The following CASK variants were observed in gnomAD, a reference collection of about 807,000 sequenced individuals.
CASK encodes the protein peripheral plasma membrane protein CASK.
A neutral mutation model predicts 82.9 loss-of-function variants in CASK; 4 were observed. The observed-to-expected ratio is 0.05, with a 90% CI of 0.02 to 0.11. CASK has a LOEUF of 0.11. CASK is among the 10% of genes least tolerant of loss of function. The probability of loss-of-function intolerance (pLI) is 1.00; values close to 1 mark genes in which losing one functional copy is unlikely to be tolerated. For missense variants in CASK, 358 were observed against 720.9 expected (o/e 0.50, Z 5.76); for synonymous variants, 259 against 253.5 (o/e 1.02, Z -0.20).
chrX:41,840,470 T>C (rs1176324545), intron 2 of CASK, among the ~76,000 whole-genome samples: 2 of 112,123 alleles, frequency 1.8e-5, no homozygotes, highest in Non-Finnish European at 3.8e-5. Flanking sequence ...CAGGAGTTTG[T>C]TGTTGTTGTT....
Position 41,922,782 on chromosome X carries a change from C to T in CASK, c.59+148G>A, listed in dbSNP as rs1422076080. 9 of 546,606 alleles carry T rather than the reference C, an allele frequency of 1.6e-5. No individual in the cohort carries two copies. In the South Asian group the frequency reaches 2.1e-4, roughly 13 times the overall value. 45.0% of individuals were successfully genotyped at this position (546,606 alleles called of 1,213,427 possible). A position where few individuals can be genotyped will look rare whatever the true frequency, so the allele number is the denominator to read the frequency against. On this transcript the variant is annotated intron_variant, in intron 1 of 26. Coordinates refer to ENST00000378163, the MANE Select transcript of CASK (RefSeq NM_001367721.1). ...CCGCCTGGCAGGAGCTCCAGGTACACGTCTATAAATACTCCAGGATGAGAA... is the reference window on the plus strand; with the variant it reads ...CCGCCTGGCAGGAGCTCCAGGTACATGTCTATAAATACTCCAGGATGAGAA...
intron 1 of CASK, among the ~76,000 whole-genome samples, chrX:41,909,873 C>G (rs1021391051): frequency 2.7e-5 from 3 of 111,357 alleles, no homozygotes; most frequent in African/African-American, 9.7e-5. Flanking sequence ...TCCCAAAGTG[C>G]AGGGATTACA....
At chrX:41,800,295 G>A (rs1217629815) in intron 2 of CASK, among the ~76,000 whole-genome samples, 2 of 109,625 alleles carry the variant, frequency 1.8e-5, no homozygotes, top group African/African-American at 3.3e-5. Context: ...CCTCCTTCCC[G>A]GCAACACAAA....
intron 2 of CASK, among the ~76,000 whole-genome samples, chrX:41,842,046 T>C (rs2071050330): frequency 8.9e-6 from 1 of 111,827 alleles, no homozygotes; most frequent in South Asian, 3.7e-4. Flanking sequence ...AATTTTTGTA[T>C]ATGGTGTAGG....
chrX:41,695,391 C>T, intron 5 of CASK, among the ~76,000 whole-genome samples: 1 of 100,178 alleles, frequency 1.0e-5, no homozygotes, highest in Non-Finnish European at 2.1e-5. Flanking sequence ...TTATAGCTCA[C>T]TACAGCCTTG....
At chrX:41,612,918 C>T (rs1321679822) in intron 11 of CASK, among the ~76,000 whole-genome samples, 3 of 92,764 alleles carry the variant, frequency 3.2e-5, no homozygotes, top group African/African-American at 8.2e-5. Context: ...CCGCCCCATC[C>T]GGGAGGTGAG....
chrX:41,552,296 G>A (rs1291014648), intron 21 of CASK, among the ~76,000 whole-genome samples: 1 of 109,588 alleles, frequency 9.1e-6, no homozygotes, highest in Middle Eastern at 4.7e-3. Flanking sequence ...TATTTTCTGC[G>A]GCACTTTTCA....
chrX:41,569,810 A>G, intron 15 of CASK, 64 bp from the exon 16 acceptor site: 3 of 679,980 alleles, frequency 4.4e-6, no homozygotes, highest in South Asian at 5.2e-5. Context: ...TTCTCTTAAT[A>G]TTTGTGATTT....
intron 11 of CASK, among the ~76,000 whole-genome samples, chrX:41,618,883 G>A (rs1367716868): frequency 1.9e-5 from 2 of 104,093 alleles, no homozygotes; most frequent in African/African-American, 3.5e-5. Flanking sequence ...CTGGAGGGCG[G>A]TGGTGTGATC....
chrX:41,680,355 G>C (rs1290671650), intron 5 of CASK, among the ~76,000 whole-genome samples: 1 of 109,711 alleles, frequency 9.1e-6, no homozygotes, highest in Non-Finnish European at 1.9e-5. Context: ...GGTGGCATGC[G>C]CCTATAGTCC....
At chrX:41,888,314 G>C (rs1425745488) in intron 1 of CASK, among the ~76,000 whole-genome samples, 1 of 111,143 alleles carries the variant, frequency 9.0e-6, no homozygotes, top group Non-Finnish European at 1.9e-5. Flanking sequence ...TGGTTGGTTG[G>C]TGGTTGGTGA....
intron 2 of CASK, among the ~76,000 whole-genome samples, chrX:41,796,551 A>T (rs1280936481): frequency 9.1e-6 from 1 of 110,242 alleles, no homozygotes; most frequent in Non-Finnish European, 1.9e-5. Flanking sequence ...TTCGTAAAAA[A>T]CCTCAAGATG....
At chrX:41,586,883 T>C in intron 14 of CASK, 24 bp downstream of exon 14, 11 of 986,613 alleles carry the variant, frequency 1.1e-5, no homozygotes, top group Non-Finnish European at 1.6e-5. Context: ...GTTTCAGTTC[T>C]ATGGAAGTTT....
At chrX:41,663,848 T>A (rs992799717) in intron 7 of CASK, among the ~76,000 whole-genome samples, 6 of 111,973 alleles carry the variant, frequency 5.4e-5, no homozygotes, top group African/African-American at 1.9e-4. Context: ...TTATTGCTAG[T>A]ATTATTATTA....
intron 1 of CASK, among the ~76,000 whole-genome samples, chrX:41,895,285 G>T (rs1057127176): frequency 8.9e-6 from 1 of 111,866 alleles, no homozygotes; most frequent in Non-Finnish European, 1.9e-5. Context: ...GAGAGCTTCC[G>T]AACTTATCTG....
At chrX:41,543,541 C>T (rs1052218595) in intron 21 of CASK, among the ~76,000 whole-genome samples, 1 of 111,937 alleles carries the variant, frequency 8.9e-6, no homozygotes, top group Non-Finnish European at 1.9e-5. Flanking sequence ...CAGTTATAAC[C>T]ACAATCAGGA....
intron 2 of CASK, among the ~76,000 whole-genome samples, chrX:41,813,668 G>C (rs2070351727): frequency 9.0e-6 from 1 of 111,537 alleles, no homozygotes; most frequent in Non-Finnish European, 1.9e-5. Flanking sequence ...ATACCATTCA[G>C]GACATAGGCA....
At chrX:41,609,362 G>A (rs1006829501) in intron 12 of CASK, among the ~76,000 whole-genome samples, 33 of 111,418 alleles carry the variant, frequency 3.0e-4, no homozygotes, top group Non-Finnish European at 5.3e-4. Context: ...TGATCCACCC[G>A]CCTTGGCCTC....
chrX:41,844,637 C>A (rs1601895956), intron 2 of CASK, among the ~76,000 whole-genome samples: 1 of 111,166 alleles, frequency 9.0e-6, no homozygotes, highest in East Asian at 2.8e-4. Context: ...TTTATTTTTA[C>A]CTTTTCAAAG....
Sources: gnomAD v4.1 joint callset for allele counts (sites outside exome capture counted in the v4.1 genomes callset) on GRCh38, gnomAD v4.1.1 for gene constraint, MANE v1.5 for transcripts, NCBI Gene and HGNC (gene_info 2026-07-23, HGNC 2026-07-21) for gene names.